COL4A6: variants seen among roughly 807,000 people sequenced by gnomAD.
The protein encoded by COL4A6 is collagen alpha-6(IV) chain.
Under a neutral mutation model 126.7 loss-of-function variants are expected in COL4A6, and 59 were observed. The ratio of observed to expected loss-of-function variants is 0.47; its 90% confidence interval spans 0.38 to 0.58. COL4A6 has a LOEUF of 0.58. Among genes scored for constraint, COL4A6 ranks in the 20% least tolerant of loss-of-function variants. COL4A6 has a pLI of 0.00. For synonymous variants in COL4A6, 547 were observed against 496.6 expected (o/e 1.10, Z -1.35); for missense variants, 1,285 against 1,337.3 (o/e 0.96, Z 0.61).
At chrX:108,165,538 G>T in intron 37 of COL4A6, 52 bp from the exon 38 acceptor site, 1 of 880,301 alleles carries the variant, frequency 1.1e-6, no homozygotes, top group Middle Eastern at 3.1e-4. Context: ...CCCAGAAGAT[G>T]GCCAGGCTCT....
In COL4A6 at chrX:108,427,773, G is replaced by C. The variant is rs764914172; in HGVS notation, c.63+10169C>G. 3.6e-5 allele frequency among the ~76,000 whole-genome samples: 4 copies of C among 111,919 alleles called. No homozygotes were observed. The South Asian group carries it at 1.1e-3, about 32-fold the overall frequency. On this transcript the variant is annotated intron_variant, in intron 2 of 44. Transcript: ENST00000334504. ...TGAAAGTCTGAAACTGGAACAGTTA[G>C]GTCTGCTGTAGGGAGTCCGGATAAG...
chrX:108,328,889 A>G (rs2039227362), intron 2 of COL4A6, among the ~76,000 whole-genome samples: 1 of 112,183 alleles, frequency 8.9e-6, no homozygotes. Context: ...CTCAGCCATA[A>G]AAAGAACAAA....
rs201518918 is a variant in COL4A6, at chrX:108,169,591, C to A, written c.3595G>T (p.Ala1199Ser). 1 of 1,209,098 alleles carries A rather than the reference C, an allele frequency of 8.3e-7. No individual in the cohort carries two copies. Among genetic ancestry groups the A allele is most frequent in the East Asian group, 3.0e-5 (1 of 33,716 alleles). Residue 1199 changes from alanine to serine, a missense_variant, in exon 37 of 45, where the codon GCT (alanine) becomes TCT (serine). Transcript: ENST00000334504. Reference sequence around the variant, plus strand: ...TCTCCTTTGGGTCCAGGGAGACCAGCAGGCCCAGGCACACCGGTGATACTA... The same window carrying A: ...TCTCCTTTGGGTCCAGGGAGACCAGAAGGCCCAGGCACACCGGTGATACTA... ...GPSITGVPGP[A>S]GLPGPKGEKG...
chrX:108,314,853 G>A (rs1419022940), intron 2 of COL4A6, among the ~76,000 whole-genome samples: 1 of 112,033 alleles, frequency 8.9e-6, no homozygotes, highest in Non-Finnish European at 1.9e-5. Flanking sequence ...GATTAAGCAT[G>A]CAAAACATAG....
intron 14 of COL4A6, among the ~76,000 whole-genome samples, chrX:108,195,864 A>G (rs904500663): frequency 1.8e-5 from 2 of 111,567 alleles, no homozygotes; most frequent in African/African-American, 6.5e-5. Context: ...AGTATGGCTG[A>G]ATACTCAAAA....
chrX:108,392,845 C>T (rs1486142152), intron 2 of COL4A6, among the ~76,000 whole-genome samples: 1 of 111,844 alleles, frequency 8.9e-6, no homozygotes, highest in Non-Finnish European at 1.9e-5. Context: ...CACACTGAAT[C>T]TGTTGATGCC....
intron 12 of COL4A6, among the ~76,000 whole-genome samples, chrX:108,203,427 G>A (rs773883238): frequency 4.6e-4 from 51 of 112,064 alleles, no homozygotes; most frequent in Non-Finnish European, 8.3e-4. Flanking sequence ...TTATCTATAC[G>A]TGCCATGGAA....
intron 2 of COL4A6, among the ~76,000 whole-genome samples, chrX:108,408,418 T>A (rs1337059756): frequency 9.0e-6 from 1 of 111,683 alleles, no homozygotes; most frequent in Non-Finnish European, 1.9e-5. Context: ...TCCACACAAT[T>A]TTTTTTCTGT....
chrX:108,339,344 C>T (rs558507495), intron 2 of COL4A6, among the ~76,000 whole-genome samples: 76 of 112,031 alleles, frequency 6.8e-4, no homozygotes, highest in African/African-American at 2.2e-3. Context: ...TCATTGTATT[C>T]GATTTTTGGC....
chrX:108,439,079 T>A (rs1046886630), upstream of COL4A6, among the ~76,000 whole-genome samples: 28 of 112,317 alleles, frequency 2.5e-4, no homozygotes, highest in African/African-American at 8.7e-4. Context: ...ATATTTCCAA[T>A]TAAGTGTTTA....
chrX:108,224,896 T>C (rs1386479624), intron 3 of COL4A6, among the ~76,000 whole-genome samples: 2 of 111,004 alleles, frequency 1.8e-5, no homozygotes, highest in South Asian at 3.9e-4. Flanking sequence ...TGTGAGAACA[T>C]AGAGACTACA....
chrX:108,174,701 C>T lies in COL4A6; in HGVS notation c.2957-80G>A, dbSNP rs776679355. 1.2e-4 allele frequency: 109 copies of T among 917,526 alleles called. 1 individual carries two copies. In the East Asian group the frequency reaches 3.2e-3, roughly 27 times the overall value. 75.6% of individuals were successfully genotyped at this position (917,526 alleles called of 1,213,427 possible). On this transcript the variant is annotated intron_variant, in intron 30 of 44. Coordinates refer to ENST00000334504, the MANE Select transcript of COL4A6 (RefSeq NM_033641.4). The stretch of plus-strand genomic sequence containing the variant: ...TTGCCAAGATGCAGGTGCCCCAGGT[C>T]GCAGGCCAAGTGCAGGCTCAGGGAG...
chrX:108,217,347 T>C (rs2148247801), intron 5 of COL4A6, among the ~76,000 whole-genome samples: 1 of 111,511 alleles, frequency 9.0e-6, no homozygotes, highest in East Asian at 2.8e-4. Context: ...TTACTGAAAG[T>C]TGAACAAAAT....
At chrX:108,187,751 G>T in intron 22 of COL4A6, 97 bp downstream of exon 22, 1 of 891,191 alleles carries the variant, frequency 1.1e-6, no homozygotes, top group Non-Finnish European at 1.5e-6. Context: ...TCTAGACTCT[G>T]TTCTTCCCTG....
intron 3 of COL4A6, among the ~76,000 whole-genome samples, chrX:108,307,463 T>A (rs139157452): frequency 0.03 from 3,384 of 112,207 alleles, 118 homozygotes; most frequent in African/African-American, 0.1. Context: ...TTGAGAAATC[T>A]GTTTGAGATA....
chrX:108,435,358 T>C (rs1437205915), intron 2 of COL4A6, among the ~76,000 whole-genome samples: 3 of 112,282 alleles, frequency 2.7e-5, no homozygotes, highest in East Asian at 2.8e-4. Flanking sequence ...TTTCTAGACA[T>C]TTCGCTAACA....
chrX:108,215,960 C>G (rs1390471509), intron 5 of COL4A6, among the ~76,000 whole-genome samples: 1 of 111,507 alleles, frequency 9.0e-6, no homozygotes, highest in Non-Finnish European at 1.9e-5. Context: ...AATGTCCCAG[C>G]CAAACTTGCT....
chrX:108,369,876 A>G (rs770755916), intron 2 of COL4A6, among the ~76,000 whole-genome samples: 1 of 112,555 alleles, frequency 8.9e-6, no homozygotes, highest in Non-Finnish European at 1.9e-5. Context: ...CACAGATATT[A>G]GTTAAATGAA....
chrX:108,172,442 T>C, intron 32 of COL4A6, 27 bp downstream of exon 32: 2 of 1,130,706 alleles, frequency 1.8e-6, no homozygotes, highest in Non-Finnish European at 1.2e-6. Context: ...GAAGAAAACA[T>C]TAAAAGAAAA....
Sources: gnomAD v4.1 joint callset for allele counts (sites outside exome capture counted in the v4.1 genomes callset) on GRCh38, gnomAD v4.1.1 for gene constraint, MANE v1.5 for transcripts, NCBI Gene and HGNC (gene_info 2026-07-23, HGNC 2026-07-21) for gene names.